The following CLEC4M variants were observed in gnomAD, a reference collection of about 807,000 sequenced individuals.
CLEC4M encodes the protein CD209 antigen-like protein 1.
Under a neutral mutation model 39.1 loss-of-function variants are expected in CLEC4M, and 25 were observed. The observed-to-expected ratio is 0.64, with a 90% CI of 0.47 to 0.89. The LOEUF (loss-of-function observed/expected upper bound fraction) is 0.89. Among genes scored for constraint, CLEC4M ranks in the 40% least tolerant of loss-of-function variants. The pLI, the probability that CLEC4M is intolerant of heterozygous loss-of-function variation, is 0.00. For missense variants in CLEC4M, 353 were observed against 431.4 expected (o/e 0.82, Z 1.61); for synonymous variants, 155 against 177.4 (o/e 0.87, Z 1.00).
intron 4 of CLEC4M, 92 bp from the exon 5 acceptor site, chr19:7,766,563 AG>A: frequency 6.3e-7 from 1 of 1,580,572 alleles, no homozygotes; most frequent in Non-Finnish European, 8.6e-7. Flanking sequence ...CAGTCAAGGA[AG>A]GGCCCTGATT....
rs2034416467 is a variant in CLEC4M at position 7,769,216 on chromosome 19, G to C, written c.*228G>C. ...GGCCCATCCTTGGAGCTTTATAAGT[G>C]ACCTGAGTGGGATGCATTTAGGGGG... On this transcript the variant is annotated 3_prime_UTR_variant, in exon 7 of 7. Transcript: ENST00000327325. 1 of 452,820 alleles carries C rather than the reference G, an allele frequency of 2.2e-6. No homozygotes were observed. Among genetic ancestry groups the C allele is most frequent in the African/African-American group, 2.0e-5 (1 of 50,814 alleles). 28.1% of individuals were successfully genotyped at this position (452,820 alleles called of 1,614,324 possible).
intron 2 of CLEC4M, 149 bp downstream of exon 2, chr19:7,763,625 G>A (rs954777107): frequency 2.2e-5 from 14 of 639,782 alleles, no homozygotes; most frequent in Non-Finnish European, 3.2e-5. Flanking sequence ...GGACGGGGTA[G>A]GGATCTGAAC....
intron 3 of CLEC4M, 24 bp from the exon 4 acceptor site, chr19:7,765,614 C>T (rs573568167): frequency 3.6e-5 from 58 of 1,613,440 alleles, no homozygotes; most frequent in Non-Finnish European, 4.8e-5. Context: ...TTAATAATTG[C>T]AGTTCCTTTT....
intron 2 of CLEC4M, among the ~76,000 whole-genome samples, chr19:7,764,354 C>A (rs1441697694): frequency 6.6e-6 from 1 of 152,102 alleles, no homozygotes; most frequent in Non-Finnish European, 1.5e-5. Context: ...TGCCTAGTGA[C>A]CTTGCAGCTG....
At chr19:7,763,548 G>T in intron 2 of CLEC4M, 72 bp downstream of exon 2, 1 of 1,321,262 alleles carries the variant, frequency 7.6e-7, no homozygotes, top group Non-Finnish European at 1.1e-6. Context: ...GGAGGTAGGT[G>T]TTGGGGTCTG....
At chr19:7,766,614 C>T (rs1269768530) in intron 4 of CLEC4M, 42 bp from the exon 5 acceptor site, 32 of 1,612,252 alleles carry the variant, frequency 2.0e-5, no homozygotes, top group Non-Finnish European at 2.7e-5. Context: ...GGAATATGGA[C>T]AACCTAATCT....
At chr19:7,768,737 C>T in intron 6 of CLEC4M, 101 bp from the exon 7 acceptor site, 2 of 1,362,730 alleles carry the variant, frequency 1.5e-6, no homozygotes, top group Non-Finnish European at 2.0e-6. Flanking sequence ...GTCCAGCATA[C>T]ACATGTAGGG....
In CLEC4M at chr19:7,768,901, T is replaced by C. The variant is rs377688863; in HGVS notation, c.1113T>C (p.Phe371=). 9 of 1,614,184 alleles carry C rather than the reference T, an allele frequency of 5.6e-6. No individual in the cohort carries two copies. The highest frequency in any genetic ancestry group is 8.5e-7 in the Non-Finnish European group (1 of 1,180,028). ...GCGGGAATGAAGACTGTGCGGAATT[T>C]AGTGGCAGTGGCTGGAACGACAATC... ...NNSGNEDCAE[F]SGSGWNDNRC... is the part of the protein sequence containing the mutation. The change falls in exon 7 of 7, where the codon TTT becomes TTC. Residue 371 remains phenylalanine (F), a synonymous_variant. Coordinates refer to ENST00000327325, the MANE Select transcript of CLEC4M (RefSeq NM_014257.5).
chr19:7,767,162 T>C (rs1215182815), intron 5 of CLEC4M: 1 of 438,854 alleles, frequency 2.3e-6, no homozygotes, highest in Non-Finnish European at 4.2e-6. Flanking sequence ...TGTCACTCAG[T>C]GCAGAGCTGA....
In CLEC4M at chr19:7,766,077, G is replaced by A. The variant is rs542483363; in HGVS notation, c.654G>A (p.Leu218=). The part of the protein sequence containing the change: ...LTELKAAVGE[L]PEKSKLQEIY... ...AGCTGAAGGCTGCAGTGGGTGAGTT[G>A]CCAGAGAAATCCAAGCTGCAGGAGA... Residue 218 remains leucine, a synonymous_variant, in exon 4 of 7, where the codon TTG becomes TTA. Transcript: ENST00000327325. 17 of 1,593,560 alleles carry A rather than the reference G, an allele frequency of 1.1e-5. No homozygotes were observed. The East Asian group carries it at 3.4e-4, about 32-fold the overall frequency.
chr19:7,767,819 C>G lies in CLEC4M; in HGVS notation c.1049+191C>G, dbSNP rs932204466. ...GGATGAAAGGTGCCAAGAATTCCAC[C>G]AGCAGAGCTGCAGGAGGAGCTTGCC... On this transcript the variant is annotated intron_variant, in intron 6 of 6. Transcript: ENST00000327325. 21 of 561,210 alleles carry G rather than the reference C, an allele frequency of 3.7e-5. No homozygotes were observed. In the Admixed American group the frequency reaches 5.5e-4, roughly 15 times the overall value. 34.8% of individuals were successfully genotyped at this position (561,210 alleles called of 1,614,324 possible). A position where few individuals can be genotyped will look rare whatever the true frequency, so the allele number is the denominator to read the frequency against.
chr19:7,765,288 G>C lies in CLEC4M; in HGVS notation c.214+20G>C. ...TCCAAGGTCAGGGGCAGGTTCTGAG[G>C]GTCTGGGGTCCCCAGGCCTGGCCTT... On this transcript the variant is annotated intron_variant, in intron 3 of 6. Coordinates refer to ENST00000327325, the MANE Select transcript of CLEC4M (RefSeq NM_014257.5). 1 of 1,613,754 alleles carries C rather than the reference G, an allele frequency of 6.2e-7. No individual in the cohort carries two copies. Among genetic ancestry groups the C allele is most frequent in the Non-Finnish European group, 8.5e-7 (1 of 1,179,648 alleles).
At position 7,763,306 on chromosome 19, in the gene CLEC4M, C is replaced by A; in HGVS notation, c.40C>A (p.Leu14Ile). Residue 14 changes from leucine to isoleucine, a missense_variant, in exon 1 of 7, where the codon CTC (leucine) becomes ATC (isoleucine). Physicochemically the swap from Leu to Ile is conservative, Grantham distance 5 (BLOSUM62 2). Transcript: ENST00000327325. ...SKEPRVQQLG[L>I]LEEDPTTSGI... is the part of the protein sequence containing the mutation. ...GGAACCAAGGGTGCAGCAGCTGGGC[C>A]TCCTGGGTAAGGCTGGGTTGGAACT... 2 of 1,609,946 alleles carry A rather than the reference C, an allele frequency of 1.2e-6. No individual in the cohort carries two copies. Among genetic ancestry groups the A allele is most frequent in the South Asian group, 2.2e-5 (2 of 90,314 alleles).
intron 5 of CLEC4M, 89 bp downstream of exon 5, chr19:7,766,896 G>A (rs1366949120): frequency 1.3e-6 from 2 of 1,597,522 alleles, no homozygotes; most frequent in East Asian, 2.2e-5. Flanking sequence ...TTGCAGAAGA[G>A]GGGCTTTGCT....
chr19:7,768,712 TG>T, intron 6 of CLEC4M, 125 bp from the exon 7 acceptor site: 1 of 1,094,314 alleles, frequency 9.1e-7, no homozygotes, highest in South Asian at 1.6e-5. Flanking sequence ...TTATGAGGTG[TG>T]GAGAGCAATG....
chr19:7,768,446 C>T, intron 6 of CLEC4M: 1 of 162,344 alleles, frequency 6.2e-6, no homozygotes, highest in Non-Finnish European at 1.4e-5. Context: ...TGGTGGCGTG[C>T]ACCTGTAGTC....
rs562285672 is a variant in CLEC4M at position 7,768,323 on chromosome 19, T to C, written c.1050-515T>C. ...AGGCGCGGTGGCTCACGCCTGTAAT[T>C]CCGGCACTTTGGGAGGTCAAGGCGG... On this transcript the variant is annotated intron_variant, in intron 6 of 6. Transcript: ENST00000327325. 1.5e-3 allele frequency: 229 copies of C among 155,984 alleles called. 1 individual carries two copies. Among genetic ancestry groups the C allele is most frequent in the African/African-American group, 5.4e-3 (224 of 41,562 alleles). 9.7% of individuals were successfully genotyped at this position (155,984 alleles called of 1,614,324 possible).
intron 5 of CLEC4M, chr19:7,767,035 G>T: frequency 2.8e-6 from 2 of 707,194 alleles, no homozygotes; most frequent in South Asian, 2.0e-5. Flanking sequence ...AACCACCACA[G>T]CATGCTGCAG....
At chr19:7,768,781 G>C in intron 6 of CLEC4M, 57 bp from the exon 7 acceptor site, 1 of 1,587,768 alleles carries the variant, frequency 6.3e-7, no homozygotes, top group Non-Finnish European at 8.6e-7. Context: ...CAGAAGGTAG[G>C]AGTGTGGCTC....
Sources: gnomAD v4.1 joint callset for allele counts (sites outside exome capture counted in the v4.1 genomes callset) on GRCh38, gnomAD v4.1.1 for gene constraint, MANE v1.5 for transcripts, NCBI Gene and HGNC (gene_info 2026-07-23, HGNC 2026-07-21) for gene names.